Variants in SRRM1 observed in about 807,000 individuals in gnomAD.
The protein encoded by SRRM1 is serine and arginine repetitive matrix 1, also known as serine/arginine repetitive matrix protein 1.
A neutral mutation model predicts 110.2 loss-of-function variants in SRRM1; 19 were observed. The observed-to-expected ratio is 0.17, with a 90% CI of 0.12 to 0.25. The LOEUF is 0.25. Ranked by LOEUF, SRRM1 falls within the 10% of genes least tolerant of loss-of-function variation. The pLI is 1.00. For synonymous variants in SRRM1, 443 were observed against 414.9 expected (o/e 1.07, Z -0.82); for missense variants, 918 against 1,145.8 (o/e 0.80, Z 2.87).
rs551083179 is a variant in SRRM1 at position 24,668,869 on chromosome 1, C to G, written c.1740-254C>G. On this transcript the variant is annotated intron_variant, in intron 13 of 16. Coordinates refer to ENST00000323848, the MANE Select transcript of SRRM1 (RefSeq NM_005839.4). ...ACAAATTCACATCTTCTGAAAATTGCAAATTTTTGTTAATCAAAATGTCTT... is the reference window on the plus strand; with the variant it reads ...ACAAATTCACATCTTCTGAAAATTGGAAATTTTTGTTAATCAAAATGTCTT... Among the ~76,000 whole-genome samples the G allele has an allele frequency of 7.0e-4, 107 of 152,288 alleles. 1 individual carries two copies. Among genetic ancestry groups the G allele is most frequent in the Non-Finnish European group, 5.9e-5 (4 of 68,012 alleles).
intron 10 of SRRM1, 152 bp from the exon 11 acceptor site, chr1:24,661,158 T>C (rs934120710): frequency 1.7e-5 from 10 of 584,204 alleles, no homozygotes; most frequent in African/African-American, 1.3e-4. Flanking sequence ...AGCCTGTGAA[T>C]TGGCATTTTA....
At position 24,666,890 on chromosome 1, in the gene SRRM1, A is replaced by T; in HGVS notation, c.1704A>T (p.Arg568=). Residue 568 remains arginine (R), a synonymous_variant, in exon 13 of 17, where the codon CGA becomes CGT. Coordinates refer to ENST00000323848, the MANE Select transcript of SRRM1 (RefSeq NM_005839.4). The part of the protein sequence containing the change: ...RRSPSPAPPP[R]RRRTPTPPPR... ...CTCCTTCTCCCGCCCCTCCTCCTCG[A>T]CGGCGCAGGACTCCCACACCACCAC... 5 of 1,610,634 alleles carry T rather than the reference A, an allele frequency of 3.1e-6. No homozygotes were observed. Among genetic ancestry groups the T allele is most frequent in the Non-Finnish European group, 4.2e-6 (5 of 1,178,966 alleles).
chr1:24,670,252 C>G lies in SRRM1; in HGVS notation c.2337C>G (p.Asn779Lys), dbSNP rs745500590. The change falls in exon 15 of 17, where the codon AAC becomes AAG. Residue 779 changes from asparagine (N) to lysine (K), a missense_variant. Around this residue, in one of 5 missense-constraint regions of SRRM1, gnomAD observed 357 missense variants for 402.9 expected, o/e 0.89. Coordinates refer to ENST00000323848, the MANE Select transcript of SRRM1 (RefSeq NM_005839.4). ...SPVQSQSPST[N>K]WSPAVPVKKA... Reference sequence around the variant, plus strand: ...TCCAGTCTCAGTCACCGTCTACAAACTGGTCACCAGCTGTACCGGTCAAAA... The same window carrying G: ...TCCAGTCTCAGTCACCGTCTACAAAGTGGTCACCAGCTGTACCGGTCAAAA... The G allele has an allele frequency of 6.2e-7, 1 of 1,614,044 alleles. No individual in the cohort carries two copies. Among genetic ancestry groups the G allele is most frequent in the African/African-American group, 1.3e-5 (1 of 74,926 alleles).
intron 4 of SRRM1, among the ~76,000 whole-genome samples, chr1:24,649,563 C>T (rs1346289536): frequency 1.3e-5 from 2 of 152,248 alleles, no homozygotes; most frequent in Non-Finnish European, 2.9e-5. Flanking sequence ...AAGTGATCTG[C>T]CCGCCCTTGG....
At chr1:24,657,900 ATTG>A (rs1438282172) in intron 9 of SRRM1, among the ~76,000 whole-genome samples, 2 of 152,186 alleles carry the variant, frequency 1.3e-5, no homozygotes, top group East Asian at 1.9e-4. Context: ...TTATTTTACT[ATTG>A]TTGGTCACAG....
intron 12 of SRRM1, among the ~76,000 whole-genome samples, chr1:24,663,987 CTTTTTTT>C (rs973518559): frequency 0.022 from 2,644 of 119,724 alleles, 34 homozygotes; most frequent in Non-Finnish European, 0.035. Context: ...GCATAGCTCT[CTTTTTTT>C]TTTTTTTTTT....
intron 6 of SRRM1, among the ~76,000 whole-genome samples, chr1:24,651,884 C>T (rs1440372488): frequency 3.3e-5 from 5 of 151,096 alleles, no homozygotes; most frequent in South Asian, 4.2e-4. Flanking sequence ...CAACTTCGCA[C>T]TTTTAAGAAA....
At chr1:24,670,685 A>G (rs1381000022) in intron 15 of SRRM1, among the ~76,000 whole-genome samples, 1 of 152,114 alleles carries the variant, frequency 6.6e-6, no homozygotes, top group East Asian at 1.9e-4. Context: ...TTTTGTAGAG[A>G]CAGGGTCTTG....
chr1:24,652,685 G>C, intron 7 of SRRM1, 57 bp downstream of exon 7: 2 of 1,443,900 alleles, frequency 1.4e-6, no homozygotes, highest in Non-Finnish European at 1.9e-6. Flanking sequence ...TACTCTACTG[G>C]GTACAATTAG....
chr1:24,663,061 A>G (rs1668075570), intron 12 of SRRM1: 2 of 1,003,164 alleles, frequency 2.0e-6, no homozygotes, highest in Non-Finnish European at 2.9e-6. Flanking sequence ...AAACTATTAT[A>G]GCAGTAACTC....
At chr1:24,668,331 C>CT (rs2148742349) in intron 13 of SRRM1, among the ~76,000 whole-genome samples, 1 of 152,254 alleles carries the variant, frequency 6.6e-6, no homozygotes, top group African/African-American at 2.4e-5. Context: ...ATATGCTTTA[C>CT]TACTAGTCTT....
chr1:24,672,107 C>G (rs906795343), intron 16 of SRRM1, 75 bp from the exon 17 acceptor site: 3 of 1,188,228 alleles, frequency 2.5e-6, no homozygotes, highest in South Asian at 2.7e-5. Context: ...CCCTCCCACA[C>G]TTTGATTCTG....
At chr1:24,643,482 A>AG (rs1654964874) in intron 1 of SRRM1, 135 bp downstream of exon 1, 1 of 274,518 alleles carries the variant, frequency 3.6e-6, no homozygotes. Context: ...GAGCCGGCGC[A>AG]CCCCCCCCCC....
Position 24,652,927 on chromosome 1 carries a change from G to A in SRRM1, c.935G>A (p.Arg312Lys). 1.9e-6 allele frequency: 3 copies of A among 1,613,844 alleles called. No homozygotes were observed. Among genetic ancestry groups the A allele is most frequent in the Non-Finnish European group, 2.5e-6 (3 of 1,179,906 alleles). Residue 312 changes from arginine to lysine, a missense_variant, in exon 8 of 17, where the codon AGA (arginine) becomes AAA (lysine). Arg to Lys is a conservative substitution (Grantham distance 26). This residue lies in a region of SRRM1 where 456 missense variants were observed against 453.5 expected (regional missense o/e 1.01). Transcript: ENST00000323848. ...HRSRSRSYSP[R>K]RRPSPRRRPS... ...TGTTATGGCAGATCGTATTCACCTA[G>A]AAGGCGGCCAAGCCCAAGAAGGCGG...
At chr1:24,643,514 C>T (rs531919958) in intron 1 of SRRM1, 167 bp downstream of exon 1, 2 of 549,738 alleles carry the variant, frequency 3.6e-6, no homozygotes, top group East Asian at 3.6e-5. Context: ...GCGGCGGAGA[C>T]CGGTGCGCCC....
At chr1:24,648,612 A>G in intron 3 of SRRM1, 1 of 345,126 alleles carries the variant, frequency 2.9e-6, no homozygotes, top group Non-Finnish European at 5.2e-6. Flanking sequence ...TACGAAATCC[A>G]CAAAGGATTA....
In SRRM1 at chr1:24,646,195, C is replaced by T. The variant is rs1657430762; in HGVS notation, c.111+122C>T. The T allele has an allele frequency of 6.9e-6, 5 of 719,570 alleles. No homozygotes were observed. In the East Asian group the frequency reaches 1.4e-4, roughly 20 times the overall value. The allele number at this position is 719,570 out of a possible 1,614,324, so 44.6% of individuals were successfully genotyped here. A position where few individuals can be genotyped will look rare whatever the true frequency, so the allele number is the denominator to read the frequency against. ...AAGAAAAACATAATTGAACATTAACCACCTTTTAGCCACCACACGTGGCAC... is the reference window on the plus strand; with the variant it reads ...AAGAAAAACATAATTGAACATTAACTACCTTTTAGCCACCACACGTGGCAC... On this transcript the variant is annotated intron_variant, in intron 2 of 16. Coordinates refer to ENST00000323848, the MANE Select transcript of SRRM1 (RefSeq NM_005839.4).
intron 16 of SRRM1, 66 bp downstream of exon 16, chr1:24,671,661 T>C (rs1672796482): frequency 7.0e-7 from 1 of 1,425,334 alleles, no homozygotes; most frequent in Non-Finnish European, 9.5e-7. Context: ...CATTTTGTTT[T>C]GAGAAGTAGC....
At chr1:24,652,662 A>T (rs759192292) in intron 7 of SRRM1, 34 bp downstream of exon 7, 70 of 1,555,676 alleles carry the variant, frequency 4.5e-5, no homozygotes, top group Middle Eastern at 3.4e-4. Context: ...CAAAGATCTT[A>T]GGTTTTATAT....
Sources: allele counts gnomAD v4.1 joint callset (sites outside exome capture counted in the v4.1 genomes callset), GRCh38; gene constraint gnomAD v4.1.1; regional missense constraint gnomAD v4.1.1; transcripts MANE v1.5; gene names NCBI Gene and HGNC (gene_info 2026-07-23, HGNC 2026-07-21).